The following ASIC2 variants were observed in gnomAD, a reference collection of about 807,000 sequenced individuals.
ASIC2 encodes acid sensing ion channel subunit 2.
In ASIC2, 25 loss-of-function variants were observed where a neutral mutation model predicts 57.3. The observed-to-expected ratio is 0.44, with a 90% CI of 0.32 to 0.61. The LOEUF is 0.61. Among genes scored for constraint, ASIC2 ranks in the 20% least tolerant of loss-of-function variants. The probability of loss-of-function intolerance (pLI) is 0.06; values close to 1 mark genes in which losing one functional copy is unlikely to be tolerated. For synonymous variants in ASIC2, 319 were observed against 307.5 expected (o/e 1.04, Z -0.39); for missense variants, 641 against 738.1 (o/e 0.87, Z 1.52).
chr17:33,141,661 C>T (rs1396364773), intron 1 of ASIC2, among the ~76,000 whole-genome samples: 1 of 152,158 alleles, frequency 6.6e-6, no homozygotes, highest in Non-Finnish European at 1.5e-5. Flanking sequence ...AGAAGGGGTT[C>T]CTAGAGGGAT....
intron 1 of ASIC2, chr17:33,976,740 G>A (rs1488428297): frequency 2.0e-5 from 3 of 152,118 alleles, no homozygotes; most frequent in Non-Finnish European, 4.4e-5. Flanking sequence ...GTGGCCCAAG[G>A]AGAAAGGTAA....
intron 1 of ASIC2, among the ~76,000 whole-genome samples, chr17:33,707,407 A>C (rs1382234646): frequency 6.6e-6 from 1 of 151,378 alleles, no homozygotes; most frequent in Admixed American, 6.6e-5. Context: ...TCTTTTCCTT[A>C]CTCTTTTCCA....
intron 1 of ASIC2, among the ~76,000 whole-genome samples, chr17:33,419,175 T>A (rs977068942): frequency 6.6e-6 from 1 of 152,150 alleles, no homozygotes; most frequent in Admixed American, 6.6e-5. Context: ...TGGGGAAGTG[T>A]TGTTGCACCC....
At position 33,723,979 on chromosome 17, in the gene ASIC2, C is replaced by T. The variant is rs192120248; in HGVS notation, c.555+431999G>A. Reference sequence around the variant, plus strand: ...GTGATGTGGTTTGGCTGTGTTCCCACCCAAATTGCATCTTGAATTGTAGCT... The same window carrying T: ...GTGATGTGGTTTGGCTGTGTTCCCATCCAAATTGCATCTTGAATTGTAGCT... On this transcript the variant is annotated intron_variant, in intron 1 of 9. Transcript: ENST00000359872. Among the ~76,000 whole-genome samples, 5 of 152,272 alleles carry T rather than the reference C, an allele frequency of 3.3e-5. No homozygotes were observed. The East Asian group carries it at 7.7e-4, about 23-fold the overall frequency.
At chr17:33,765,166 C>T (rs1045476954) in intron 1 of ASIC2, among the ~76,000 whole-genome samples, 16 of 152,060 alleles carry the variant, frequency 1.1e-4, no homozygotes, top group African/African-American at 2.7e-4. Context: ...AGTGCAGTGG[C>T]GCTATCTTGG....
At chr17:33,294,520 A>C (rs1368088841), upstream of ASIC2, among the ~76,000 whole-genome samples, 3 of 152,060 alleles carry the variant, frequency 2.0e-5, no homozygotes, top group African/African-American at 7.3e-5. Flanking sequence ...GACTCCCTGC[A>C]TCTGGTCTCT....
intron 1 of ASIC2, among the ~76,000 whole-genome samples, chr17:33,612,802 T>C (rs888749767): frequency 2.0e-5 from 3 of 152,218 alleles, no homozygotes; most frequent in Non-Finnish European, 4.4e-5. Context: ...CATCAGATTG[T>C]GTCATGAGCA....
rs112860919 is a variant in ASIC2 at position 33,981,227 on chromosome 17, G to A, written c.555+174751C>T. Reference sequence around the variant, plus strand: ...GGCCTCCCAAAGTGCTGGGATTACGGGCGTGAGCCACCGCACCCAGCCCTC... The same window carrying A: ...GGCCTCCCAAAGTGCTGGGATTACGAGCGTGAGCCACCGCACCCAGCCCTC... On this transcript the variant is annotated intron_variant, in intron 1 of 9. Transcript: ENST00000359872. Among the ~76,000 whole-genome samples, 841 of 152,258 alleles carry A rather than the reference G, an allele frequency of 5.5e-3. 8 individuals are homozygous for A. Among genetic ancestry groups the A allele is most frequent in the African/African-American group, 0.019 (804 of 41,522 alleles).
chr17:33,412,815 A>G (rs1022278836), intron 1 of ASIC2, among the ~76,000 whole-genome samples: 1 of 152,160 alleles, frequency 6.6e-6, no homozygotes, highest in African/African-American at 2.4e-5. Context: ...AGGAATTGTG[A>G]ATTTGCACGC....
At chr17:33,015,449 G>A (rs1313904610) in intron 9 of ASIC2, among the ~76,000 whole-genome samples, 1 of 152,158 alleles carries the variant, frequency 6.6e-6, no homozygotes, top group African/African-American at 2.4e-5. Flanking sequence ...TTGGTCTCTG[G>A]GCCTCAACTG....
intron 1 of ASIC2, among the ~76,000 whole-genome samples, chr17:33,281,671 C>T (rs1436706628): frequency 6.6e-6 from 1 of 152,228 alleles, no homozygotes; most frequent in Non-Finnish European, 1.5e-5. Context: ...CATGCTCTTT[C>T]TGTAGCTACA....
At chr17:33,479,875 C>CATGTTTA (rs1285660714) in intron 1 of ASIC2, among the ~76,000 whole-genome samples, 1 of 152,172 alleles carries the variant, frequency 6.6e-6, no homozygotes, top group Non-Finnish European at 1.5e-5. Flanking sequence ...GCTCCCGGAA[C>CATGTTTA]CCTGGTTCAT....
At chr17:33,542,176 T>A (rs539339350) in intron 1 of ASIC2, among the ~76,000 whole-genome samples, 8 of 152,296 alleles carry the variant, frequency 5.3e-5, no homozygotes, top group Admixed American at 6.5e-5. Context: ...TCCAAGTCTT[T>A]GCTATTGTGA....
rs547315467 is a variant in ASIC2, at chr17:33,877,694, C to G, written c.555+278284G>C. Among the ~76,000 whole-genome samples, 8 of 152,354 alleles carry G rather than the reference C, an allele frequency of 5.3e-5. No homozygotes were observed. In the South Asian group the frequency reaches 1.5e-3, roughly 28 times the overall value. On this transcript the variant is annotated intron_variant, in intron 1 of 9. Transcript: ENST00000359872. ...TCCACCTCTGGGGGCAGGGCACAGC[C>G]AAACAAAAGGCAGCAGAAACCTCTG...
intron 1 of ASIC2, among the ~76,000 whole-genome samples, chr17:33,948,177 C>G (rs1904444732): frequency 6.6e-6 from 1 of 152,182 alleles, no homozygotes; most frequent in South Asian, 2.1e-4. Flanking sequence ...GGAGGAAGAA[C>G]AGAGGTGGCT....
chr17:33,385,160 C>T (rs1233077074), intron 1 of ASIC2, among the ~76,000 whole-genome samples: 3 of 152,194 alleles, frequency 2.0e-5, no homozygotes, highest in Non-Finnish European at 4.4e-5. Flanking sequence ...AATGTTAACA[C>T]AGGTCAAGTG....
chr17:33,276,627 G>C (rs1453320421), intron 1 of ASIC2, among the ~76,000 whole-genome samples: 2 of 152,182 alleles, frequency 1.3e-5, no homozygotes, highest in Non-Finnish European at 2.9e-5. Flanking sequence ...ACTCCTTTTG[G>C]AGGTATGTGA....
At chr17:33,233,717 A>C (rs879943361) in intron 1 of ASIC2, among the ~76,000 whole-genome samples, 36 of 152,264 alleles carry the variant, frequency 2.4e-4, no homozygotes, top group Non-Finnish European at 1.5e-4. Context: ...GAAGGTCTCA[A>C]ATTCCAATGT....
chr17:33,438,253 G>A lies in ASIC2; in HGVS notation c.556-326186C>T, dbSNP rs1158822450. Among the ~76,000 whole-genome samples, 5 of 152,186 alleles carry A rather than the reference G, an allele frequency of 3.3e-5. No homozygotes were observed. In the East Asian group the frequency reaches 9.6e-4, roughly 29 times the overall value. On this transcript the variant is annotated intron_variant, in intron 1 of 9. Coordinates refer to the ASIC2 transcript ENST00000359872. ...CAAGCTTCCTTTAAATAGTAGCTTG[G>A]AGGATAAGGTAAGCATTTGTTTACA... is the stretch of plus-strand genomic sequence containing the variant.
Sources: gnomAD v4.1 joint callset for allele counts (sites outside exome capture counted in the v4.1 genomes callset) on GRCh38, gnomAD v4.1.1 for gene constraint, MANE v1.5 for transcripts, NCBI Gene and HGNC (gene_info 2026-07-23, HGNC 2026-07-21) for gene names.